The following RILPL1 variants were observed in gnomAD, a reference collection of about 807,000 sequenced individuals.
RILPL1 encodes the protein RILP-like protein 1.
Under a neutral mutation model 50.3 loss-of-function variants are expected in RILPL1, and 33 were observed. That is an observed-to-expected ratio of 0.66 (90% confidence interval 0.50 to 0.88). The LOEUF (loss-of-function observed/expected upper bound fraction) is 0.88, where lower values mean the gene tolerates loss of function less well. Ranked by LOEUF, RILPL1 falls within the 40% of genes least tolerant of loss-of-function variation. The pLI, the probability that RILPL1 is intolerant of heterozygous loss-of-function variation, is 0.00. For synonymous variants in RILPL1, 205 were observed against 228.6 expected, an observed-to-expected ratio of 0.90 and a Z score of 0.93; for missense variants, 418 against 542.5, an observed-to-expected ratio of 0.77 and a Z score of 2.28.
intron 4 of RILPL1, among the ~76,000 whole-genome samples, chr12:123,490,375 G>C (rs1882612512): frequency 6.6e-6 from 1 of 152,094 alleles, no homozygotes; most frequent in East Asian, 1.9e-4. Flanking sequence ...TTCCCACCCA[G>C]GTACCTGGGG....
chr12:123,482,513 G>C (rs2139314353), intron 6 of RILPL1, among the ~76,000 whole-genome samples: 2 of 152,230 alleles, frequency 1.3e-5, no homozygotes, highest in African/African-American at 4.8e-5. Flanking sequence ...GGCCTCAAGT[G>C]ATCCTTCTGC....
rs1008977961 is a variant in RILPL1 at position 123,471,378 on chromosome 12, A to T, written c.*1160T>A. 6.6e-6 allele frequency: 1 copy of T among 152,016 alleles called. No homozygotes were observed. Among genetic ancestry groups the T allele is most frequent in the African/African-American group, 2.4e-5 (1 of 41,404 alleles). The allele number at this position is 152,016 out of a possible 1,614,324, so 9.4% of individuals were successfully genotyped here. A position where few individuals can be genotyped will look rare whatever the true frequency, so the allele number is the denominator to read the frequency against. ...TGAGCCACTGTGCCCAGCCTCACCT[A>T]ATGGTTTCTTAGCAAACTTCAGTAG... On this transcript the variant is annotated 3_prime_UTR_variant, in exon 7 of 7. Coordinates refer to ENST00000376874, the MANE Select transcript of RILPL1 (RefSeq NM_178314.5).
rs1197316582 is a variant in RILPL1 at position 123,487,136 on chromosome 12, C to G, written c.802-1331G>C. Among the ~76,000 whole-genome samples the G allele has an allele frequency of 6.6e-5, 10 of 152,078 alleles. No individual in the cohort carries two copies. In the South Asian group the frequency reaches 2.1e-3, roughly 32 times the overall value. ...TTATTAAGCAGTCACTCTCTACTTCCCTATCCTGAGCCCTTGGCAAATGCC... is the reference window on the plus strand; with the variant it reads ...TTATTAAGCAGTCACTCTCTACTTCGCTATCCTGAGCCCTTGGCAAATGCC... On this transcript the variant is annotated intron_variant, in intron 4 of 6. Transcript: ENST00000376874.
chr12:123,527,900 C>T lies in RILPL1; in HGVS notation c.310-4255G>A, dbSNP rs557877996. ...AAGAAATGGATCCTCCTCCACAGCCCCCCAAAGGAGTGGAGCCTTCCCAAC... is the reference window on the plus strand; with the variant it reads ...AAGAAATGGATCCTCCTCCACAGCCTCCCAAAGGAGTGGAGCCTTCCCAAC... On this transcript the variant is annotated intron_variant, in intron 1 of 6. Transcript: ENST00000376874. Among the ~76,000 whole-genome samples the T allele has an allele frequency of 2.0e-5, 3 of 152,224 alleles. No individual in the cohort carries two copies. The South Asian group carries it at 6.2e-4, about 32-fold the overall frequency.
intron 2 of RILPL1, among the ~76,000 whole-genome samples, chr12:123,518,824 C>T (rs914359197): frequency 1.3e-5 from 2 of 151,716 alleles, no homozygotes; most frequent in East Asian, 1.9e-4. Flanking sequence ...TTTGGGAGGC[C>T]GAGGCAGGCG....
rs1046270140 is a variant in RILPL1 at position 123,491,567 on chromosome 12, C to T, written c.802-5762G>A. On this transcript the variant is annotated intron_variant, in intron 4 of 6. Transcript: ENST00000376874. This position sits in a 1 kb window ranked among gnomAD's most constrained non-coding sequence, Gnocchi z 4.0. ...CAGCCCCTGGCCCAGCAATGGGGAA[C>T]GACTGTGCTCTGGTCACACTTGGCA... 5.3e-5 allele frequency among the ~76,000 whole-genome samples: 8 copies of T among 152,194 alleles called. No homozygotes were observed. Among genetic ancestry groups the T allele is most frequent in the African/African-American group, 9.6e-5 (4 of 41,456 alleles).
intron 2 of RILPL1, chr12:123,513,297 C>T (rs1205836781): frequency 9.2e-6 from 3 of 324,432 alleles, no homozygotes; most frequent in South Asian, 4.3e-5. Context: ...CCCGACCCCC[C>T]GCCTGCCATT....
chr12:123,482,953 A>G (rs1882095393), intron 6 of RILPL1, among the ~76,000 whole-genome samples: 1 of 152,200 alleles, frequency 6.6e-6, no homozygotes, highest in South Asian at 2.1e-4. Flanking sequence ...ACAAACCTGC[A>G]CGGCTCTGCA....
intron 6 of RILPL1, among the ~76,000 whole-genome samples, chr12:123,477,539 G>A (rs536848525): frequency 6.6e-6 from 1 of 152,052 alleles, no homozygotes; most frequent in South Asian, 2.1e-4. Flanking sequence ...GGGTTTCCCT[G>A]TGTTGGCCAG....
At chr12:123,526,251 A>G (rs1247444564) in intron 1 of RILPL1, among the ~76,000 whole-genome samples, 1 of 152,172 alleles carries the variant, frequency 6.6e-6, no homozygotes, top group Non-Finnish European at 1.5e-5. Flanking sequence ...GGCTGTAGTG[A>G]GCCGAGATCA....
intron 6 of RILPL1, among the ~76,000 whole-genome samples, chr12:123,483,307 C>A (rs1882120161): frequency 6.6e-6 from 1 of 152,190 alleles, no homozygotes. Context: ...CCTGGTTCTG[C>A]CTCTTATTAG....
intron 2 of RILPL1, chr12:123,518,527 G>T: frequency 9.3e-6 from 2 of 215,024 alleles, no homozygotes; most frequent in South Asian, 5.0e-5. Context: ...GGAGAATGGC[G>T]GTTAAGATGG....
intron 6 of RILPL1, among the ~76,000 whole-genome samples, chr12:123,482,608 C>T (rs1428917844): frequency 6.7e-6 from 1 of 150,014 alleles, no homozygotes; most frequent in African/African-American, 2.5e-5. Context: ...TTTTTTATCC[C>T]TCTCTCTCTC....
At chr12:123,514,533 T>A (rs1297406656) in intron 2 of RILPL1, 1 of 151,960 alleles carries the variant, frequency 6.6e-6, no homozygotes, top group Non-Finnish European at 1.5e-5. Flanking sequence ...TTCAAGCGAT[T>A]CTCCTGCCTC....
At chr12:123,532,918 A>T (rs1885490192) in intron 1 of RILPL1, among the ~76,000 whole-genome samples, 2 of 152,200 alleles carry the variant, frequency 1.3e-5, no homozygotes, top group African/African-American at 2.4e-5. Flanking sequence ...TAACTTACCT[A>T]AAGTCACACA....
chr12:123,500,621 A>G (rs1006112004), intron 2 of RILPL1, among the ~76,000 whole-genome samples: 2 of 152,112 alleles, frequency 1.3e-5, no homozygotes, highest in Non-Finnish European at 1.5e-5. Flanking sequence ...ATGACGCTGC[A>G]CAGTGATTCA....
At chr12:123,515,895 G>A (rs886257181) in intron 2 of RILPL1, among the ~76,000 whole-genome samples, 2 of 151,784 alleles carry the variant, frequency 1.3e-5, no homozygotes, top group Admixed American at 6.6e-5. Flanking sequence ...TTAGCCAGGC[G>A]TGGTGGCACA....
chr12:123,528,522 G>A (rs1307811429), intron 1 of RILPL1, among the ~76,000 whole-genome samples: 2 of 151,484 alleles, frequency 1.3e-5, no homozygotes, highest in Non-Finnish European at 2.9e-5. Context: ...CCGCCTCCCG[G>A]GTTCATGCCA....
chr12:123,531,011 AAG>A (rs1333461806), intron 1 of RILPL1, among the ~76,000 whole-genome samples: 2 of 99,048 alleles, frequency 2.0e-5, no homozygotes, highest in African/African-American at 2.7e-5. Context: ...GGTAGGGAAG[AAG>A]AGGGGAAAGG....
Sources: allele counts gnomAD v4.1 joint callset (sites outside exome capture counted in the v4.1 genomes callset), GRCh38; gene constraint gnomAD v4.1.1; non-coding constraint Gnocchi (gnomAD v3.1); transcripts MANE v1.5; gene names NCBI Gene and HGNC (gene_info 2026-07-23, HGNC 2026-07-21).